The following ADGRB1 variants were observed in gnomAD, a reference collection of about 807,000 sequenced individuals.
ADGRB1 encodes the protein brain-specific angiogenesis inhibitor 1.
A neutral mutation model predicts 175.7 loss-of-function variants in ADGRB1; 36 were observed. That is an observed-to-expected ratio of 0.20 (90% CI 0.16 to 0.27). The LOEUF is 0.27. ADGRB1 is among the 10% of genes least tolerant of loss of function. ADGRB1 has a pLI of 1.00. For synonymous variants in ADGRB1, 1,054 were observed against 979.4 expected, an observed-to-expected ratio of 1.08 and a Z score of -1.42; for missense variants, 1,731 against 2,255.3, an observed-to-expected ratio of 0.77 and a Z score of 4.71.
chr8:142,500,478 C>G (rs1480049888), intron 17 of ADGRB1, among the ~76,000 whole-genome samples: 3 of 150,254 alleles, frequency 2.0e-5, no homozygotes, highest in African/African-American at 7.4e-5. Flanking sequence ...CTCGTGGGGG[C>G]GAGGGCATGT....
chr8:142,462,875 C>T (rs539291803), intron 1 of ADGRB1, among the ~76,000 whole-genome samples: 2 of 152,282 alleles, frequency 1.3e-5, no homozygotes, highest in Non-Finnish European at 1.5e-5. Context: ...AGGTCCACAG[C>T]GAGGTGGATG....
rs927714034 is a variant in ADGRB1 at position 142,528,557 on chromosome 8, G to A, written c.3398+1930G>A. ...ATTTCACTTGCAGTCAGCCGTCCCC[G>A]CACCCCCTCGGGCGCGCCCTCAAGT... On this transcript the variant is annotated intron_variant, in intron 24 of 30. Transcript: ENST00000517894. 2.9e-4 allele frequency among the ~76,000 whole-genome samples: 44 copies of A among 151,916 alleles called. 2 individuals carry two copies. Among genetic ancestry groups the A allele is most frequent in the Admixed American group, 2.4e-3 (37 of 15,258 alleles).
intron 17 of ADGRB1, among the ~76,000 whole-genome samples, chr8:142,507,635 C>T (rs994071854): frequency 5.9e-5 from 9 of 152,340 alleles, no homozygotes; most frequent in African/African-American, 1.9e-4. Context: ...GTCGGCCTGG[C>T]GCCCTGCAGA....
chr8:142,514,157 G>C (rs914585695), intron 18 of ADGRB1, among the ~76,000 whole-genome samples: 7 of 152,108 alleles, frequency 4.6e-5, no homozygotes, highest in Non-Finnish European at 1.0e-4. Context: ...TGAGTGGGCA[G>C]AGGCTGTGGC....
At position 142,474,520 on chromosome 8, in the gene ADGRB1, G is replaced by C. The variant is rs1337217038; in HGVS notation, c.785-954G>C. On this transcript the variant is annotated intron_variant, in intron 2 of 30. Coordinates refer to ENST00000517894, the MANE Select transcript of ADGRB1 (RefSeq NM_001702.3). This position sits in a 1 kb window ranked among gnomAD's most constrained non-coding sequence, Gnocchi z 5.8. ...GCGGCAGCCCCTTCCCGGCCCCCTG[G>C]TGCTGCTGCCCCTCTCTGGCCCACA... Among the ~76,000 whole-genome samples the C allele has an allele frequency of 3.2e-4, 48 of 152,160 alleles. No individual in the cohort carries two copies. The highest frequency in any genetic ancestry group is 3.1e-3 in the Admixed American group (48 of 15,288).
intron 1 of ADGRB1, among the ~76,000 whole-genome samples, chr8:142,454,327 G>A (rs985980309): frequency 4.6e-5 from 7 of 152,186 alleles, no homozygotes; most frequent in South Asian, 2.1e-4. Flanking sequence ...GCAGGCACGC[G>A]TGTCCCCACA....
At chr8:142,477,815 C>G (rs1406927668) in intron 6 of ADGRB1, among the ~76,000 whole-genome samples, 1 of 151,884 alleles carries the variant, frequency 6.6e-6, no homozygotes, top group Admixed American at 6.6e-5. Flanking sequence ...TGCCATGTCC[C>G]AGGCTGGGTG....
At chr8:142,516,217 C>A (rs1195859374) in intron 18 of ADGRB1, among the ~76,000 whole-genome samples, 2 of 130,418 alleles carry the variant, frequency 1.5e-5, no homozygotes, top group Admixed American at 7.7e-5. Flanking sequence ...TGCGTGTGTG[C>A]GGGCCCCAGG....
At chr8:142,530,165 G>A (rs140153425) in intron 24 of ADGRB1, among the ~76,000 whole-genome samples, 294 of 152,176 alleles carry the variant, frequency 1.9e-3, no homozygotes, top group Non-Finnish European at 3.4e-3. Context: ...CTGTGTGTGC[G>A]TGTGTGTGTA....
intron 17 of ADGRB1, among the ~76,000 whole-genome samples, 191 bp downstream of exon 17, chr8:142,491,006 C>G (rs1452866103): frequency 1.3e-5 from 2 of 152,182 alleles, no homozygotes; most frequent in Admixed American, 6.5e-5. Context: ...CCGCCTCCCA[C>G]CCCCTCCCAG....
rs1429196995 is a variant in ADGRB1 at position 142,475,670 on chromosome 8, C to T, written c.946+35C>T. ...GGCGGGGCGGGGCGGAGCCGGAGCC[C>T]TGGAGAGGCGGGGCCTGTGAGGGAG... is the stretch of plus-strand genomic sequence containing the variant. On this transcript the variant is annotated intron_variant, in intron 3 of 30. Transcript: ENST00000517894. 6.2e-6 allele frequency: 7 copies of T among 1,135,358 alleles called. No individual in the cohort carries two copies. The South Asian group carries it at 1.3e-4, about 21-fold the overall frequency. The allele number at this position is 1,135,358 out of a possible 1,614,324, so 70.3% of individuals were successfully genotyped here.
At chr8:142,489,831 G>T (rs1472462110) in intron 16 of ADGRB1, among the ~76,000 whole-genome samples, 1 of 152,142 alleles carries the variant, frequency 6.6e-6, no homozygotes. Context: ...ACTGACACCA[G>T]GCCTCGCCTG....
At chr8:142,520,448 G>GGCGTGGTGGTGTTAGTGATT (rs1656748868) in intron 19 of ADGRB1, among the ~76,000 whole-genome samples, 1 of 8,262 alleles carries the variant, frequency 1.2e-4, no homozygotes, top group African/African-American at 2.7e-4. Context: ...TGGTGGTGAT[G>GGCGTGGTGGTGTTAGTGATT]GTGATGGTGG....
rs902420221 is a variant in ADGRB1, at chr8:142,488,921, C to T, written c.2453-114C>T. 4.0e-5 allele frequency: 53 copies of T among 1,315,908 alleles called. 1 individual carries two copies. The Middle Eastern group carries it at 9.1e-4, about 23-fold the overall frequency. 81.5% of individuals were successfully genotyped at this position (1,315,908 alleles called of 1,614,324 possible). A position where few individuals can be genotyped will look rare whatever the true frequency, so the allele number is the denominator to read the frequency against. On this transcript the variant is annotated intron_variant, in intron 14 of 30. Transcript: ENST00000517894. ...TCACCATCCGCCAGGGCCCTGGACG[C>T]GACCTTGAAGATGGGCGGCAGATGC... is the stretch of plus-strand genomic sequence containing the variant.
chr8:142,541,302 G>A (rs1845257554), intron 27 of ADGRB1, among the ~76,000 whole-genome samples: 2 of 152,168 alleles, frequency 1.3e-5, no homozygotes, highest in African/African-American at 4.8e-5. Flanking sequence ...CCCACTCAGA[G>A]GTCAAGGCGG....
At position 142,542,100 on chromosome 8, in the gene ADGRB1, A is replaced by G. The variant is rs1471165500; in HGVS notation, c.3866A>G (p.His1289Arg). 2.7e-5 allele frequency: 44 copies of G among 1,613,228 alleles called. No individual in the cohort carries two copies. Among genetic ancestry groups the G allele is most frequent in the Admixed American group, 5.0e-5 (3 of 60,000 alleles). Residue 1289 changes from histidine (H) to arginine (R), a missense_variant, in exon 28 of 31, where the codon CAC (histidine) becomes CGC (arginine). His to Arg is a conservative substitution (Grantham distance 29). Transcript: ENST00000517894. The surrounding 1 kb of genome is among the most constrained non-coding windows in gnomAD (Gnocchi z 6.3). The stretch of plus-strand genomic sequence containing the variant: ...GCCAACGTGTCCAAGCTGCACCTGC[A>G]CGGCTCACCCCGCTATCCCGGCGGG... ...LPANVSKLHLHGSPRYPGGPL... is the reference protein window; with the variant it reads ...LPANVSKLHLRGSPRYPGGPL...
At chr8:142,482,304 A>C (rs1023141032) in intron 11 of ADGRB1, among the ~76,000 whole-genome samples, 1 of 142,356 alleles carries the variant, frequency 7.0e-6, no homozygotes, top group Non-Finnish European at 1.5e-5. Context: ...GGTCACACTG[A>C]GCCCTGATCC....
intron 19 of ADGRB1, among the ~76,000 whole-genome samples, chr8:142,519,294 A>G (rs1245044343): frequency 6.6e-6 from 1 of 152,144 alleles, no homozygotes; most frequent in Non-Finnish European, 1.5e-5. Context: ...CCTGTGCCCT[A>G]TGAGCTGCCG....
intron 1 of ADGRB1, among the ~76,000 whole-genome samples, chr8:142,458,003 C>A (rs901922266): frequency 3.3e-5 from 5 of 152,182 alleles, no homozygotes; most frequent in Non-Finnish European, 5.9e-5. Flanking sequence ...CCACCCCGCC[C>A]CTCCCCCCGT....
Sources: allele counts gnomAD v4.1 joint callset (sites outside exome capture counted in the v4.1 genomes callset), GRCh38; gene constraint gnomAD v4.1.1; non-coding constraint Gnocchi (gnomAD v3.1); transcripts MANE v1.5; gene names NCBI Gene and HGNC (gene_info 2026-07-23, HGNC 2026-07-21).